KCNU1: variants seen among roughly 807,000 people sequenced by gnomAD.
KCNU1 encodes the protein potassium channel subfamily U member 1.
Under a neutral mutation model 126.8 loss-of-function variants are expected in KCNU1, and 93 were observed. That is an observed-to-expected ratio of 0.73 (90% CI 0.62 to 0.87). KCNU1 has a LOEUF of 0.87. KCNU1 is among the 40% of genes least tolerant of loss of function. The pLI, the probability that KCNU1 is intolerant of heterozygous loss-of-function variation, is 0.00. For synonymous variants in KCNU1, 523 were observed against 494.2 expected (o/e 1.06, Z -0.77); for missense variants, 1,330 against 1,367.1 (o/e 0.97, Z 0.43).
chr8:36,908,094 C>T (rs528518036), intron 20 of KCNU1, among the ~76,000 whole-genome samples: 1 of 152,160 alleles, frequency 6.6e-6, no homozygotes, highest in African/African-American at 2.4e-5. Context: ...CTTCTGACTC[C>T]GAGTCCAGGG....
intron 10 of KCNU1, among the ~76,000 whole-genome samples, chr8:36,821,015 C>A (rs930605170): frequency 6.6e-6 from 1 of 152,138 alleles, no homozygotes. Context: ...CAACAGAATT[C>A]TGCTTCAAAC....
chr8:36,812,092 A>G (rs1389035296), intron 7 of KCNU1, among the ~76,000 whole-genome samples: 2 of 150,388 alleles, frequency 1.3e-5, no homozygotes, highest in East Asian at 4.0e-4. Flanking sequence ...AAACTCTGAT[A>G]TTTTGGTCAG....
chr8:36,830,327 G>A (rs891946255), intron 10 of KCNU1, among the ~76,000 whole-genome samples: 4 of 151,526 alleles, frequency 2.6e-5, no homozygotes, highest in African/African-American at 9.7e-5. Context: ...TTTCATTAAA[G>A]ATATCTTTTT....
At chr8:36,828,002 A>G (rs1390581883) in intron 10 of KCNU1, among the ~76,000 whole-genome samples, 1 of 152,104 alleles carries the variant, frequency 6.6e-6, no homozygotes. Flanking sequence ...TCAGGTTTGT[A>G]ATTTGTCTTT....
intron 19 of KCNU1, among the ~76,000 whole-genome samples, chr8:36,867,953 C>A (rs1323123318): frequency 2.0e-5 from 3 of 152,082 alleles, no homozygotes; most frequent in Non-Finnish European, 4.4e-5. Context: ...GTGATAGTAA[C>A]CCATGAAGAT....
intron 10 of KCNU1, among the ~76,000 whole-genome samples, chr8:36,827,348 G>C (rs1017571996): frequency 1.3e-5 from 2 of 152,092 alleles, no homozygotes; most frequent in African/African-American, 4.8e-5. Flanking sequence ...TTTTGGAAAA[G>C]ATATCAAACC....
intron 19 of KCNU1, among the ~76,000 whole-genome samples, chr8:36,890,256 T>A (rs1046507144): frequency 6.6e-6 from 1 of 152,218 alleles, no homozygotes; most frequent in East Asian, 1.9e-4. Context: ...TAATTTTTTT[T>A]ATTTTTAATT....
intron 19 of KCNU1, among the ~76,000 whole-genome samples, chr8:36,905,501 G>T (rs1192129288): frequency 1.3e-5 from 2 of 149,604 alleles, no homozygotes; most frequent in African/African-American, 4.9e-5. Flanking sequence ...TGCCCAAAAT[G>T]CTTAGAGTGT....
At chr8:36,795,724 C>T (rs1274443861) in intron 2 of KCNU1, 1 of 152,302 alleles carries the variant, frequency 6.6e-6, no homozygotes, top group Non-Finnish European at 1.5e-5. Flanking sequence ...TCTTCCAACA[C>T]AGAACTTGTG....
intron 19 of KCNU1, chr8:36,889,195 T>C (rs374551762): frequency 9.4e-6 from 5 of 534,516 alleles, no homozygotes; most frequent in Middle Eastern, 6.4e-4. Flanking sequence ...CAGTTCTTTA[T>C]TGGTGAAAAC....
In KCNU1 at chr8:36,880,246, C is replaced by T. The variant is rs569413081; in HGVS notation, c.2009+15725C>T. 9.2e-5 allele frequency among the ~76,000 whole-genome samples: 14 copies of T among 152,146 alleles called. No individual in the cohort carries two copies. In the South Asian group the frequency reaches 1.7e-3, roughly 18 times the overall value. ...ACTCGGATTGGCAGCTTGATAAATACGTCTATTGGCGATGATTTGGATTGC... is the reference window on the plus strand; with the variant it reads ...ACTCGGATTGGCAGCTTGATAAATATGTCTATTGGCGATGATTTGGATTGC... On this transcript the variant is annotated intron_variant, in intron 19 of 26. Transcript: ENST00000399881.
rs181351285 is a variant in KCNU1 at position 36,846,257 on chromosome 8, A to T, written c.1891+358A>T. Among the ~76,000 whole-genome samples, 11 of 152,334 alleles carry T rather than the reference A, an allele frequency of 7.2e-5. No individual in the cohort carries two copies. In the East Asian group the frequency reaches 2.1e-3, roughly 29 times the overall value. Reference sequence around the variant, plus strand: ...ACAGTTTTTCACAACTTCAGACTGAAAATTCAGCCTATATCTGACCACTTG... The same window carrying T: ...ACAGTTTTTCACAACTTCAGACTGATAATTCAGCCTATATCTGACCACTTG... On this transcript the variant is annotated intron_variant, in intron 18 of 26. Coordinates refer to ENST00000399881, the MANE Select transcript of KCNU1 (RefSeq NM_001031836.3).
At chr8:36,831,193 A>G (rs1804533845) in intron 10 of KCNU1, among the ~76,000 whole-genome samples, 1 of 151,592 alleles carries the variant, frequency 6.6e-6, no homozygotes. Context: ...AGTCTTTGCT[A>G]TTGTGAATAA....
intron 19 of KCNU1, among the ~76,000 whole-genome samples, chr8:36,903,097 C>T (rs1157575863): frequency 2.0e-5 from 3 of 152,080 alleles, no homozygotes; most frequent in Admixed American, 1.3e-4. Flanking sequence ...CTTTCCAAAC[C>T]TGTTTCTAGT....
chr8:36,910,714 C>T (rs1278435812), intron 21 of KCNU1, among the ~76,000 whole-genome samples: 2 of 152,088 alleles, frequency 1.3e-5, no homozygotes, highest in Non-Finnish European at 2.9e-5. Flanking sequence ...AACTTGCTTT[C>T]AGGAAAGAAT....
chr8:36,916,377 G>C (rs1808109498), intron 22 of KCNU1, among the ~76,000 whole-genome samples: 1 of 150,060 alleles, frequency 6.7e-6, no homozygotes, highest in Non-Finnish European at 1.5e-5. Context: ...AAGGAAGACA[G>C]GGAGGAAATG....
At chr8:36,796,033 T>G (rs1803084717) in intron 2 of KCNU1, among the ~76,000 whole-genome samples, 1 of 152,222 alleles carries the variant, frequency 6.6e-6, no homozygotes, top group Admixed American at 6.5e-5. Context: ...TTCCTCTGAG[T>G]ACTTCTTTGG....
At chr8:36,841,046 T>G (rs2130577593) in intron 16 of KCNU1, 43 bp downstream of exon 16, 2 of 1,292,990 alleles carry the variant, frequency 1.5e-6, no homozygotes, top group South Asian at 1.3e-5. Flanking sequence ...TTTTTTTTTT[T>G]TTTTTTTTTT....
intron 19 of KCNU1, among the ~76,000 whole-genome samples, chr8:36,883,021 A>G (rs1806545490): frequency 6.6e-6 from 1 of 152,044 alleles, no homozygotes; most frequent in Admixed American, 6.5e-5. Context: ...TACTTTTACA[A>G]AGATATATTG....
Sources: gnomAD v4.1 joint callset for allele counts (sites outside exome capture counted in the v4.1 genomes callset) on GRCh38, gnomAD v4.1.1 for gene constraint, MANE v1.5 for transcripts, NCBI Gene and HGNC (gene_info 2026-07-23, HGNC 2026-07-21) for gene names.